Variants in ARHGAP4 observed in about 807,000 individuals in gnomAD.
ARHGAP4 encodes Rho GTPase activating protein 4.
In ARHGAP4, 25 loss-of-function variants were observed where a neutral mutation model predicts 67.6. The ratio of observed to expected loss-of-function variants is 0.37; its 90% CI spans 0.27 to 0.52. ARHGAP4 has a LOEUF of 0.52. ARHGAP4 is among the 20% of genes least tolerant of loss of function. The pLI is 0.92. For synonymous variants in ARHGAP4, 448 were observed against 373.7 expected (o/e 1.20, Z -2.29); for missense variants, 804 against 854.6 (o/e 0.94, Z 0.74).
intron 12 of ARHGAP4, among the ~76,000 whole-genome samples, chrX:153,911,930 A>AAAAG (rs1569545863): frequency 1.1e-4 from 12 of 106,992 alleles, no homozygotes; most frequent in East Asian, 3.0e-4. Flanking sequence ...AAAAAAAAAA[A>AAAAG]AAAGAAAGAA....
chrX:153,917,982 G>C (rs782383559), intron 7 of ARHGAP4, among the ~76,000 whole-genome samples: 3 of 112,134 alleles, frequency 2.7e-5, no homozygotes, highest in African/African-American at 9.7e-5. Flanking sequence ...GTGGAGGACA[G>C]TGCTGGGACG....
Position 153,910,163 on chromosome X carries a change from G to A in ARHGAP4, c.2156+8C>T. The A allele has an allele frequency of 8.3e-7, 1 of 1,211,085 alleles. No homozygotes were observed. Among genetic ancestry groups the A allele is most frequent in the South Asian group, 1.8e-5 (1 of 56,992 alleles). On this transcript the variant is annotated splice_region_variant and intron_variant, in intron 17 of 21. Coordinates refer to ENST00000350060, the MANE Select transcript of ARHGAP4 (RefSeq NM_001666.5). ...CCCCCAGTCCCCTCGGCAGCACCAA[G>A]GGTGTACCCCAGGCAGCTGGCGGAA...
At position 153,918,896 on chromosome X, in the gene ARHGAP4, T is replaced by C; in HGVS notation, c.968A>G (p.Glu323Gly). 1 of 1,212,002 alleles carries C rather than the reference T, an allele frequency of 8.3e-7. No individual in the cohort carries two copies. Among genetic ancestry groups the C allele is most frequent in the Non-Finnish European group, 1.1e-6 (1 of 895,537 alleles). The change falls in exon 7 of 22, where the codon GAG (glutamate) becomes GGG (glycine). Residue 323 changes from glutamate to glycine, a missense_variant. Coordinates refer to ENST00000350060, the MANE Select transcript of ARHGAP4 (RefSeq NM_001666.5). ...GGGACAGAAGACGGTAGCATGCACC[T>C]CGAGAACCTTGGCTTTGTCCCCTGG... ...DPPGDKAKVL[E>G]VHATVFCPPL... is the part of the protein sequence containing the mutation.
rs1375989348 is a variant in ARHGAP4, at chrX:153,926,022, A to G, written c.67+114T>C. The G allele has an allele frequency of 2.9e-6, 3 of 1,035,281 alleles. No homozygotes were observed. The Admixed American group carries it at 8.6e-5, about 30-fold the overall frequency. 85.3% of individuals were successfully genotyped at this position (1,035,281 alleles called of 1,213,427 possible). On this transcript the variant is annotated intron_variant, in intron 1 of 21. Transcript: ENST00000350060. ...AGGCTCCCTCCTCCACCCCCGCTCC[A>G]GAGGTCGCTGGGGAGAGCATCGGGC... is the stretch of plus-strand genomic sequence containing the variant.
chrX:153,909,382 C>T, intron 20 of ARHGAP4, 61 bp downstream of exon 20: 1 of 1,090,752 alleles, frequency 9.2e-7, no homozygotes, highest in African/African-American at 2.0e-5. Context: ...AGCCTGACCC[C>T]AGTCCCCTCT....
chrX:153,915,111 A>C (rs1476871087), intron 7 of ARHGAP4, among the ~76,000 whole-genome samples: 2 of 111,301 alleles, frequency 1.8e-5, no homozygotes, highest in African/African-American at 6.5e-5. Context: ...CATGGGACTC[A>C]GTGAAAGGAG....
intron 3 of ARHGAP4, 24 bp from the exon 4 acceptor site, chrX:153,921,183 C>T: frequency 8.4e-7 from 1 of 1,192,531 alleles, no homozygotes; most frequent in Non-Finnish European, 1.1e-6. Context: ...CAAGGGTGAG[C>T]ACGGCACTGC....
chrX:153,915,272 T>C (rs2065048590), intron 7 of ARHGAP4, among the ~76,000 whole-genome samples: 1 of 111,863 alleles, frequency 8.9e-6, no homozygotes, highest in Admixed American at 9.5e-5. Context: ...AGCTTCAGTT[T>C]GGGAAGATGA....
chrX:153,910,404 G>A lies in ARHGAP4; in HGVS notation c.1923C>T (p.His641=), dbSNP rs2065009847. 2 of 1,193,214 alleles carry A rather than the reference G, an allele frequency of 1.7e-6. No individual in the cohort carries two copies. Among genetic ancestry groups the A allele is most frequent in the South Asian group, 3.7e-5 (2 of 54,675 alleles). ...VLRYLFTFLN[H]LAQYSDENMM... ...TGTTCTCATCGCTGTACTGGGCCAG[G>A]CTGGGGGGACACGCACATCACAAGC... The change falls in exon 17 of 22, where the codon CAC becomes CAT. Residue 641 remains histidine, a splice_region_variant and synonymous_variant. Coordinates refer to ENST00000350060, the MANE Select transcript of ARHGAP4 (RefSeq NM_001666.5).
At position 153,913,714 on chromosome X, in the gene ARHGAP4, C is replaced by T. The variant is rs896438778; in HGVS notation, c.1134+64G>A. 14 of 1,174,369 alleles carry T rather than the reference C, an allele frequency of 1.2e-5. No homozygotes were observed. The Admixed American group carries it at 3.1e-4, about 26-fold the overall frequency. On this transcript the variant is annotated intron_variant, in intron 8 of 21. Coordinates refer to ENST00000350060, the MANE Select transcript of ARHGAP4 (RefSeq NM_001666.5). ...GGGGGGCAGGCAGGGCAGCCACTTCCAACAGCAGGCTGTACAGGCTCCAGG... is the reference window on the plus strand; with the variant it reads ...GGGGGGCAGGCAGGGCAGCCACTTCTAACAGCAGGCTGTACAGGCTCCAGG...
In ARHGAP4 at chrX:153,917,937, C is replaced by T. The variant is rs1203504957; in HGVS notation, c.1032+895G>A. On this transcript the variant is annotated intron_variant, in intron 7 of 21. Coordinates refer to ENST00000350060, the MANE Select transcript of ARHGAP4 (RefSeq NM_001666.5). ...CAGACTGGAAGGCTCTGGGGGAGGGCGCAGAGGAGAAGGTTGACCTCACAG... is the reference window on the plus strand; with the variant it reads ...CAGACTGGAAGGCTCTGGGGGAGGGTGCAGAGGAGAAGGTTGACCTCACAG... Among the ~76,000 whole-genome samples the T allele has an allele frequency of 6.3e-5, 7 of 111,903 alleles. No homozygotes were observed. In the East Asian group the frequency reaches 2.0e-3, roughly 31 times the overall value.
At chrX:153,920,849 A>C (rs1557105110) in intron 4 of ARHGAP4, 41 bp from the exon 5 acceptor site, 2 of 1,201,376 alleles carry the variant, frequency 1.7e-6, no homozygotes, top group South Asian at 3.5e-5. Context: ...GGTGAAGGCC[A>C]CGGCTGGGCC....
chrX:153,926,120 C>A lies in ARHGAP4; in HGVS notation c.67+16G>T. The A allele has an allele frequency of 8.3e-7, 1 of 1,203,610 alleles. No individual in the cohort carries two copies. On this transcript the variant is annotated intron_variant, in intron 1 of 21. Transcript: ENST00000350060. Reference sequence around the variant, plus strand: ...CTCCGCAGGAAACGGGCCGGGAGCGCCCGGCGCCCTCTCACCTTTGACTTG... The same window carrying A: ...CTCCGCAGGAAACGGGCCGGGAGCGACCGGCGCCCTCTCACCTTTGACTTG...
chrX:153,919,899 G>A lies in ARHGAP4; in HGVS notation c.682-616C>T, dbSNP rs782539374. ...CCTGCTGTGTTCAAGTGATTCTCCC[G>A]CCTCAGCCTCCCAAGTAGCTGGGAT... On this transcript the variant is annotated intron_variant, in intron 5 of 21. Transcript: ENST00000350060. Among the ~76,000 whole-genome samples, 87 of 109,951 alleles carry A rather than the reference G, an allele frequency of 7.9e-4. 1 individual carries two copies. The highest frequency in any genetic ancestry group is 2.8e-3 in the African/African-American group (84 of 30,191).
At position 153,909,154 on chromosome X, in the gene ARHGAP4, G is replaced by A. The variant is rs2064996108; in HGVS notation, c.2523C>T (p.Thr841=). 8.3e-7 allele frequency: 1 copy of A among 1,209,261 alleles called. No individual in the cohort carries two copies. The highest frequency in any genetic ancestry group is 3.0e-5 in the East Asian group (1 of 33,785). The change falls in exon 21 of 22, where the codon ACC becomes ACT. Residue 841 remains threonine (T), a synonymous_variant. Transcript: ENST00000350060. ...CAGAGGGTCCCATGGCCTCAGGTGAGGTGCATGGCTCTGGCCTGCAGGACA... is the reference window on the plus strand; with the variant it reads ...CAGAGGGTCCCATGGCCTCAGGTGAAGTGCATGGCTCTGGCCTGCAGGACA... ...SELVHRPEPC[T]SPEAMGPSGH... is the part of the protein sequence containing the mutation.
At chrX:153,912,571 G>A in intron 12 of ARHGAP4, 129 bp downstream of exon 12, 2 of 570,748 alleles carry the variant, frequency 3.5e-6, no homozygotes, top group South Asian at 6.1e-5. Flanking sequence ...ACCCAGAAAA[G>A]GACAGTTGAT....
At chrX:153,908,684 C>T (rs1243623992) in intron 21 of ARHGAP4, among the ~76,000 whole-genome samples, 4 of 110,214 alleles carry the variant, frequency 3.6e-5, no homozygotes, top group Non-Finnish European at 7.6e-5. Flanking sequence ...GCCATGGCAC[C>T]GCCTGTTACC....
At chrX:153,920,230 C>T (rs1371235872) in intron 5 of ARHGAP4, among the ~76,000 whole-genome samples, 1 of 112,771 alleles carries the variant, frequency 8.9e-6, no homozygotes, top group Admixed American at 9.3e-5. Flanking sequence ...CCACGCACAG[C>T]CTGGCGGCTC....
chrX:153,910,027 G>A lies in ARHGAP4; in HGVS notation c.2215C>T (p.Pro739Ser), dbSNP rs782620691. Residue 739 changes from proline (P) to serine (S), a missense_variant, in exon 18 of 22, where the codon CCC becomes TCC. By Grantham distance (74) the Pro-to-Ser change is moderately conservative. This residue lies in a region of ARHGAP4 where 400 missense variants were observed against 348.7 expected (regional missense o/e 1.15). Transcript: ENST00000350060. Reference protein sequence around the residue: ...DNEPELEAEMPAQEDDLEGVV... With the variant: ...DNEPELEAEMSAQEDDLEGVV... ...TCGCCCTCACCATCCTCCTGTGCGGGCATCTCGGCTTCCAGCTCCGGCTCA... is the reference window on the plus strand; with the variant it reads ...TCGCCCTCACCATCCTCCTGTGCGGACATCTCGGCTTCCAGCTCCGGCTCA... 1 of 1,211,338 alleles carries A rather than the reference G, an allele frequency of 8.3e-7. No individual in the cohort carries two copies. The highest frequency in any genetic ancestry group is 2.2e-5 in the Admixed American group (1 of 46,102).
Sources: allele counts gnomAD v4.1 joint callset (sites outside exome capture counted in the v4.1 genomes callset), GRCh38; gene constraint gnomAD v4.1.1; regional missense constraint gnomAD v4.1.1; transcripts MANE v1.5; gene names NCBI Gene and HGNC (gene_info 2026-07-23, HGNC 2026-07-21).